USP9X: variants seen among roughly 807,000 people sequenced by gnomAD.
USP9X encodes the protein ubiquitin specific peptidase 9 X-linked.
A neutral mutation model predicts 190.3 loss-of-function variants in USP9X; 7 were observed. The observed-to-expected ratio is 0.04, with a 90% CI of 0.02 to 0.07. The LOEUF is 0.07. Among genes scored for constraint, USP9X ranks in the 10% least tolerant of loss-of-function variants. The pLI, the probability that USP9X is intolerant of heterozygous loss-of-function variation, is 1.00. For missense variants in USP9X, 1,010 were observed against 1,916.9 expected (o/e 0.53, Z 8.83); for synonymous variants, 645 against 659.5 (o/e 0.98, Z 0.34).
intron 32 of USP9X, among the ~76,000 whole-genome samples, chrX:41,206,908 A>G (rs1309562531): frequency 2.8e-5 from 3 of 106,231 alleles, no homozygotes; most frequent in Non-Finnish European, 5.8e-5. Flanking sequence ...CTGAGTAGCT[A>G]GGGTTAACAG....
chrX:41,104,882 CT>C (rs2062058684), intron 1 of USP9X, among the ~76,000 whole-genome samples: 1 of 111,315 alleles, frequency 9.0e-6, no homozygotes, highest in Admixed American at 9.6e-5. Flanking sequence ...ACCTCATAGT[CT>C]GCAAAAATCA....
intron 34 of USP9X, 62 bp from the exon 35 acceptor site, chrX:41,215,837 T>G (rs1799782218): frequency 5.2e-5 from 22 of 422,063 alleles, no homozygotes; most frequent in East Asian, 7.1e-5. Flanking sequence ...TTGCTTGGGG[T>G]TTTTTTTTTT....
intron 7 of USP9X, 52 bp from the exon 8 acceptor site, chrX:41,140,914 T>A: frequency 8.9e-7 from 1 of 1,128,512 alleles, no homozygotes; most frequent in Admixed American, 3.1e-5. Context: ...AGTCCTAAAT[T>A]GATTTTAAGA....
At chrX:41,131,067 C>T (rs2062309948) in intron 3 of USP9X, among the ~76,000 whole-genome samples, 1 of 109,585 alleles carries the variant, frequency 9.1e-6, no homozygotes, top group African/African-American at 3.3e-5. Flanking sequence ...GGTGGCGGGG[C>T]AATGAAGAGG....
At chrX:41,154,050 A>G (rs1194589690) in intron 14 of USP9X, among the ~76,000 whole-genome samples, 2 of 111,806 alleles carry the variant, frequency 1.8e-5, no homozygotes, top group African/African-American at 6.5e-5. Flanking sequence ...TACATTTCCC[A>G]ATGAAATTCA....
At position 41,188,003 on chromosome X, in the gene USP9X, T is replaced by C. The variant is rs1465564210; in HGVS notation, c.3696T>C (p.Tyr1232=). The change falls in exon 25 of 45, where the codon TAT becomes TAC. Residue 1232 remains tyrosine, a synonymous_variant. Transcript: ENST00000378308. ...AQQISDEASR[Y]MPDICVIRAI... ...TCGTTATCTTGCAGGCTTCAAGATATATGCCTGATATTTGTGTAATTAGAG... is the reference window on the plus strand; with the variant it reads ...TCGTTATCTTGCAGGCTTCAAGATACATGCCTGATATTTGTGTAATTAGAG... The C allele has an allele frequency of 3.3e-6, 4 of 1,208,273 alleles. No individual in the cohort carries two copies. Among genetic ancestry groups the C allele is most frequent in the South Asian group, 3.5e-5 (2 of 56,621 alleles).
At chrX:41,134,260 T>A (rs1368941272) in intron 4 of USP9X, among the ~76,000 whole-genome samples, 1 of 112,344 alleles carries the variant, frequency 8.9e-6, no homozygotes, top group Non-Finnish European at 1.9e-5. Context: ...CTGTTGCCTT[T>A]CTAAAATGAG....
rs188129140 is a variant in USP9X, at chrX:41,214,771, T to C, written c.5331+62T>C. Reference sequence around the variant, plus strand: ...TTTAATGGATTTAGAAGAAATTGGTTTTTTTGGTTCATCCTCACAAGTCAC... The same window carrying C: ...TTTAATGGATTTAGAAGAAATTGGTCTTTTTGGTTCATCCTCACAAGTCAC... On this transcript the variant is annotated intron_variant, in intron 34 of 44. Coordinates refer to ENST00000378308, the MANE Select transcript of USP9X (RefSeq NM_001039591.3). 558 of 1,103,547 alleles carry C rather than the reference T, an allele frequency of 5.1e-4. 5 individuals are homozygous for C. In the African/African-American group the frequency reaches 7.5e-3, roughly 15 times the overall value. 90.9% of individuals were successfully genotyped at this position (1,103,547 alleles called of 1,213,427 possible). A position where few individuals can be genotyped will look rare whatever the true frequency, so the allele number is the denominator to read the frequency against.
At chrX:41,100,948 A>T (rs1040580890) in intron 1 of USP9X, among the ~76,000 whole-genome samples, 6 of 110,920 alleles carry the variant, frequency 5.4e-5, no homozygotes, top group Admixed American at 9.6e-5. Context: ...TCCTGTTTTA[A>T]AGATGATCAT....
In USP9X at chrX:41,085,858, C is replaced by G; in HGVS notation, c.-410C>G. The G allele has an allele frequency of 3.3e-6, 1 of 298,875 alleles. No individual in the cohort carries two copies. The allele number at this position is 298,875 out of a possible 1,213,427, so 24.6% of individuals were successfully genotyped here. ...CCTGAGGGGAGAAGGGGAAGAGGGCCGTCGCCGGCCAAGGAGGAGGAGGAG... is the reference window on the plus strand; with the variant it reads ...CCTGAGGGGAGAAGGGGAAGAGGGCGGTCGCCGGCCAAGGAGGAGGAGGAG... On this transcript the variant is annotated 5_prime_UTR_variant, in exon 1 of 45. Coordinates refer to ENST00000378308, the MANE Select transcript of USP9X (RefSeq NM_001039591.3).
intron 11 of USP9X, among the ~76,000 whole-genome samples, chrX:41,145,630 C>T (rs5918123): frequency 0.093 from 10,340 of 111,294 alleles, 452 homozygotes; most frequent in East Asian, 0.17. Context: ...TGTAAAGTTC[C>T]GAAATGGGCA....
In USP9X at chrX:41,189,330, G is replaced by C. The variant is rs980783156; in HGVS notation, c.3832G>C (p.Asp1278His). The change falls in exon 26 of 45, where the codon GAC (aspartate) becomes CAC (histidine). Residue 1278 changes from aspartate to histidine, a missense_variant. Physicochemically the swap from Asp to His is moderately conservative, Grantham distance 81 (BLOSUM62 -1). Around this residue, in one of 11 missense-constraint regions of USP9X, gnomAD observed 351 missense variants for 480.8 expected, o/e 0.73. Coordinates refer to ENST00000378308, the MANE Select transcript of USP9X (RefSeq NM_001039591.3). Reference protein sequence around the residue: ...YEKTNAGNEPDLEDEQVCCEA... With the variant: ...YEKTNAGNEPHLEDEQVCCEA... ...ACAGACCAATGCAGGCAATGAGCCA[G>C]ACTTGGAAGACGAACAGGTTTGCTG... 7 of 1,209,074 alleles carry C rather than the reference G, an allele frequency of 5.8e-6. No homozygotes were observed. The highest frequency in any genetic ancestry group is 1.8e-5 in the South Asian group (1 of 56,590).
Position 41,196,648 on chromosome X carries a change from C to G in USP9X, c.4143C>G (p.His1381Gln), listed in dbSNP as rs1310506951. 8.3e-7 allele frequency: 1 copy of G among 1,201,989 alleles called. No individual in the cohort carries two copies. Among genetic ancestry groups the G allele is most frequent in the Non-Finnish European group, 1.1e-6 (1 of 889,293 alleles). Reference sequence around the variant, plus strand: ...GCGACTACTTTACTCTTTTAAGACACCTTCTTAATTACGCTTACAATAGTA... The same window carrying G: ...GCGACTACTTTACTCTTTTAAGACAGCTTCTTAATTACGCTTACAATAGTA... ...HSGDYFTLLR[H>Q]LLNYAYNSNI... The change falls in exon 28 of 45, where the codon CAC (histidine) becomes CAG (glutamine). Residue 1381 changes from histidine to glutamine, a missense_variant. His to Gln is a conservative substitution (Grantham distance 24). Coordinates refer to ENST00000378308, the MANE Select transcript of USP9X (RefSeq NM_001039591.3).
chrX:41,138,004 C>T (rs2062390195), intron 6 of USP9X, among the ~76,000 whole-genome samples: 1 of 110,596 alleles, frequency 9.0e-6, no homozygotes, highest in South Asian at 3.8e-4. Flanking sequence ...AGTTTTATAT[C>T]TTTGAAATAT....
At position 41,123,509 on chromosome X, in the gene USP9X, T is replaced by C. The variant is rs2062207917; in HGVS notation, c.-120T>C. 1 of 571,301 alleles carries C rather than the reference T, an allele frequency of 1.8e-6. No homozygotes were observed. Among genetic ancestry groups the C allele is most frequent in the African/African-American group, 2.3e-5 (1 of 44,390 alleles). 47.1% of individuals were successfully genotyped at this position (571,301 alleles called of 1,213,427 possible). A position where few individuals can be genotyped will look rare whatever the true frequency, so the allele number is the denominator to read the frequency against. On this transcript the variant is annotated 5_prime_UTR_variant, in exon 2 of 45. Coordinates refer to ENST00000378308, the MANE Select transcript of USP9X (RefSeq NM_001039591.3). ...CTCTGCAAGATGGTTTATTCTTGAATTGGACCTTTTTAAGACTGACAAATG... is the reference window on the plus strand; with the variant it reads ...CTCTGCAAGATGGTTTATTCTTGAACTGGACCTTTTTAAGACTGACAAATG...
chrX:41,205,964 C>A (rs781197664), intron 32 of USP9X, among the ~76,000 whole-genome samples: 62 of 101,232 alleles, frequency 6.1e-4, no homozygotes, highest in Non-Finnish European at 8.4e-4. Flanking sequence ...GATCTTGGCT[C>A]ACTGCAACAT....
At chrX:41,086,720 G>A (rs956192112) in intron 1 of USP9X, among the ~76,000 whole-genome samples, 1 of 112,362 alleles carries the variant, frequency 8.9e-6, no homozygotes, top group Non-Finnish European at 1.9e-5. Context: ...CACCTCCTTC[G>A]CCCCGCTTTA....
Position 41,153,072 on chromosome X carries a change from T to C in USP9X, c.1888T>C (p.Tyr630His). Residue 630 changes from tyrosine (Y) to histidine (H), a missense_variant, in exon 14 of 45, where the codon TAT becomes CAT. By Grantham distance (83) the Tyr-to-His change is moderately conservative. Coordinates refer to ENST00000378308, the MANE Select transcript of USP9X (RefSeq NM_001039591.3). ...AACTTACATGGAAAGCATGAGACTATATGCTAGAGGTATGTATTGTAAGCT... is the reference window on the plus strand; with the variant it reads ...AACTTACATGGAAAGCATGAGACTACATGCTAGAGGTATGTATTGTAAGCT... The part of the protein sequence containing the change: ...LATYMESMRL[Y>H]ARDHEDYDPQ... 2 of 1,207,094 alleles carry C rather than the reference T, an allele frequency of 1.7e-6. No homozygotes were observed. Among genetic ancestry groups the C allele is most frequent in the Non-Finnish European group, 2.2e-6 (2 of 893,340 alleles).
At chrX:41,144,737 A>G in intron 11 of USP9X, 111 bp downstream of exon 11, 1 of 616,873 alleles carries the variant, frequency 1.6e-6, no homozygotes, top group Non-Finnish European at 2.5e-6. Context: ...CCCATTAAAC[A>G]GTCTGTGGTG....
Sources: allele counts gnomAD v4.1 joint callset (sites outside exome capture counted in the v4.1 genomes callset), GRCh38; gene constraint gnomAD v4.1.1; regional missense constraint gnomAD v4.1.1; transcripts MANE v1.5; gene names NCBI Gene and HGNC (gene_info 2026-07-23, HGNC 2026-07-21).